Variants in SYNPR observed in about 807,000 individuals in gnomAD.
The protein encoded by SYNPR is synaptoporin.
A neutral mutation model predicts 32.9 loss-of-function variants in SYNPR; 23 were observed. That is an observed-to-expected ratio of 0.70 (90% CI 0.50 to 0.99). The LOEUF (loss-of-function observed/expected upper bound fraction) is 0.99, where lower values mean the gene tolerates loss of function less well. Among genes scored for constraint, SYNPR ranks in the 50% least tolerant of loss-of-function variants. The pLI is 0.00. For synonymous variants in SYNPR, 146 were observed against 135.9 expected (o/e 1.07, Z -0.52); for missense variants, 318 against 349.3 (o/e 0.91, Z 0.71).
At chr3:63,264,395 T>A (rs561766608) in intron 2 of SYNPR, among the ~76,000 whole-genome samples, 1 of 136,080 alleles carries the variant, frequency 7.3e-6, no homozygotes, top group Admixed American at 7.4e-5. Context: ...CAAGCCTGTT[T>A]GAAAAAAATC....
intron 2 of SYNPR, among the ~76,000 whole-genome samples, chr3:63,475,642 T>A (rs1414658630): frequency 6.6e-6 from 1 of 152,130 alleles, no homozygotes; most frequent in Non-Finnish European, 1.5e-5. Flanking sequence ...ATCAACTTGC[T>A]TATAGTATTA....
intron 2 of SYNPR, among the ~76,000 whole-genome samples, chr3:63,435,151 T>A (rs978032060): frequency 2.6e-5 from 4 of 152,198 alleles, no homozygotes; most frequent in African/African-American, 9.7e-5. Flanking sequence ...CTGGGTAATG[T>A]GGAGATTTAT....
At chr3:63,419,378 T>C (rs370186680) in intron 2 of SYNPR, among the ~76,000 whole-genome samples, 3 of 152,076 alleles carry the variant, frequency 2.0e-5, no homozygotes, top group African/African-American at 4.8e-5. Context: ...ATACTTAGAG[T>C]TGGAAAGCAT....
At chr3:63,315,920 C>T (rs983551079) in intron 2 of SYNPR, among the ~76,000 whole-genome samples, 6 of 151,890 alleles carry the variant, frequency 4.0e-5, no homozygotes, top group African/African-American at 1.2e-4. Context: ...CCTTTGTATG[C>T]CAATTTTGCT....
At chr3:63,543,820 A>G (rs1451470280) in intron 3 of SYNPR, among the ~76,000 whole-genome samples, 1 of 152,110 alleles carries the variant, frequency 6.6e-6, no homozygotes, top group Non-Finnish European at 1.5e-5. Context: ...GTACTTGACT[A>G]ATTGCTTTTC....
the SYNPR span, among the ~76,000 whole-genome samples, chr3:63,201,562 T>C: frequency 6.6e-6 from 1 of 152,136 alleles, no homozygotes; most frequent in Non-Finnish European, 1.5e-5. Flanking sequence ...CTTAAATGTG[T>C]GGTACTGATT....
intron 5 of SYNPR, among the ~76,000 whole-genome samples, chr3:63,609,542 A>G (rs1324890455): frequency 6.6e-6 from 1 of 152,120 alleles, no homozygotes; most frequent in Non-Finnish European, 1.5e-5. Context: ...TTTCTTAAGA[A>G]CCCCGCAGGT....
intron 1 of SYNPR, among the ~76,000 whole-genome samples, chr3:63,252,009 G>C (rs2086336263): frequency 6.6e-6 from 1 of 151,670 alleles, no homozygotes; most frequent in African/African-American, 2.4e-5. Context: ...CAATTTAATA[G>C]ATACATAATA....
intron 4 of SYNPR, among the ~76,000 whole-genome samples, chr3:63,600,823 T>C (rs1380803291): frequency 6.6e-6 from 1 of 152,176 alleles, no homozygotes; most frequent in Non-Finnish European, 1.5e-5. Context: ...TTAACCTCTT[T>C]CCTTTATAAA....
intron 2 of SYNPR, among the ~76,000 whole-genome samples, chr3:63,376,505 C>A (rs746796343): frequency 3.9e-5 from 6 of 152,154 alleles, no homozygotes; most frequent in Admixed American, 1.3e-4. Flanking sequence ...TCTTTCACCA[C>A]TCTGGGCTTC....
chr3:63,204,398 C>T, the SYNPR span, among the ~76,000 whole-genome samples: 2 of 152,120 alleles, frequency 1.3e-5, no homozygotes, highest in South Asian at 4.1e-4. Context: ...GTGTCTCTAC[C>T]TCCTTTTCTT....
intron 2 of SYNPR, among the ~76,000 whole-genome samples, chr3:63,461,193 A>C (rs1484196444): frequency 9.9e-5 from 15 of 152,146 alleles, no homozygotes; most frequent in Non-Finnish European, 1.5e-5. Context: ...CCAGGCAGAA[A>C]TTCTCATAGT....
intron 3 of SYNPR, among the ~76,000 whole-genome samples, chr3:63,268,778 A>G (rs1313472954): frequency 1.3e-5 from 2 of 152,218 alleles, no homozygotes; most frequent in East Asian, 1.9e-4. Flanking sequence ...TCAAGGATCA[A>G]CTGTATTTTG....
chr3:63,442,395 G>A (rs1049059691), intron 2 of SYNPR, among the ~76,000 whole-genome samples: 2 of 152,150 alleles, frequency 1.3e-5, no homozygotes, highest in African/African-American at 4.8e-5. Context: ...AAAGTAGGGG[G>A]CGGGAAGGAG....
At chr3:63,468,892 A>AT (rs1045298321) in intron 2 of SYNPR, among the ~76,000 whole-genome samples, 19 of 151,282 alleles carry the variant, frequency 1.3e-4, no homozygotes, top group Admixed American at 4.0e-4. Flanking sequence ...CTGAATAAAC[A>AT]TTTTTTTTTA....
chr3:63,447,921 T>C (rs1575649262), intron 2 of SYNPR, among the ~76,000 whole-genome samples: 1 of 152,188 alleles, frequency 6.6e-6, no homozygotes. Context: ...TTATTTTCTT[T>C]TGGAGTAAAT....
At chr3:63,326,985 A>T (rs2087174661) in intron 2 of SYNPR, among the ~76,000 whole-genome samples, 1 of 152,090 alleles carries the variant, frequency 6.6e-6, no homozygotes, top group Non-Finnish European at 1.5e-5. Flanking sequence ...ATCCATTAAA[A>T]GACTACTTTC....
intron 2 of SYNPR, among the ~76,000 whole-genome samples, chr3:63,304,991 C>T (rs1372062149): frequency 6.6e-6 from 1 of 151,906 alleles, no homozygotes; most frequent in Non-Finnish European, 1.5e-5. Flanking sequence ...GTTTCCAGAG[C>T]TATATAATGT....
At chr3:63,290,486 G>A (rs1056173834) in intron 2 of SYNPR, among the ~76,000 whole-genome samples, 4 of 152,076 alleles carry the variant, frequency 2.6e-5, no homozygotes, top group Non-Finnish European at 5.9e-5. Flanking sequence ...GACTAAGGAT[G>A]TTCATACCTT....
Sources: gnomAD v4.1 joint callset for allele counts (sites outside exome capture counted in the v4.1 genomes callset) on GRCh38, gnomAD v4.1.1 for gene constraint, MANE v1.5 for transcripts, NCBI Gene and HGNC (gene_info 2026-07-23, HGNC 2026-07-21) for gene names.